The following KIF13A variants were observed in gnomAD, a reference collection of about 807,000 sequenced individuals.
The protein encoded by KIF13A is kinesin-like protein KIF13A.
A neutral mutation model predicts 212.2 loss-of-function variants in KIF13A; 79 were observed. That is an observed-to-expected ratio of 0.37 (90% CI 0.31 to 0.45). The LOEUF is 0.45. Among genes scored for constraint, KIF13A ranks in the 20% least tolerant of loss-of-function variants. The probability of loss-of-function intolerance (pLI) is 1.00; values close to 1 mark genes in which losing one functional copy is unlikely to be tolerated. For synonymous variants in KIF13A, 789 were observed against 808.6 expected, an observed-to-expected ratio of 0.98 and a Z score of 0.41; for missense variants, 1,901 against 2,209.0, an observed-to-expected ratio of 0.86 and a Z score of 2.79.
intron 35 of KIF13A, among the ~76,000 whole-genome samples, chr6:17,774,366 C>T (rs1323355687): frequency 6.6e-6 from 1 of 152,138 alleles, no homozygotes; most frequent in African/African-American, 2.4e-5. Flanking sequence ...GGATGTAACA[C>T]CTTCTCCAAT....
rs554453129 is a variant in KIF13A at position 17,837,761 on chromosome 6, G to A, written c.831-178C>T. On this transcript the variant is annotated intron_variant, in intron 9 of 38. Coordinates refer to ENST00000259711, the MANE Select transcript of KIF13A (RefSeq NM_022113.6). The surrounding 1 kb of genome is among the most constrained non-coding windows in gnomAD (Gnocchi z 5.4). The stretch of plus-strand genomic sequence containing the variant: ...GAGGCCAGGGGTTTGAGACCACCCT[G>A]GCCAACATGGTGAAACTCTGTCTCT... 1.3e-5 allele frequency among the ~76,000 whole-genome samples: 2 copies of A among 151,978 alleles called. No homozygotes were observed. Among genetic ancestry groups the A allele is most frequent in the South Asian group, 2.1e-4 (1 of 4,806 alleles).
downstream of KIF13A, chr6:17,759,712 A>G (rs1581828437): frequency 6.6e-6 from 1 of 152,228 alleles, no homozygotes; most frequent in South Asian, 2.1e-4. Context: ...CAAACATGGT[A>G]AAGGGTGAAC....
intron 16 of KIF13A, among the ~76,000 whole-genome samples, chr6:17,824,772 A>AAC (rs1764810773): frequency 6.8e-6 from 1 of 147,788 alleles, no homozygotes; most frequent in Non-Finnish European, 1.5e-5. Context: ...AAAAAAAAAA[A>AAC]AAAAAAAACA....
rs921985943 is a variant in KIF13A, at chr6:17,898,742, AC to A, written c.147-563del. Among the ~76,000 whole-genome samples, 1 of 152,142 alleles carries A rather than the reference AC, an allele frequency of 6.6e-6. No individual in the cohort carries two copies. The highest frequency in any genetic ancestry group is 2.4e-5 in the African/African-American group (1 of 41,420). On this transcript the variant is annotated intron_variant, in intron 2 of 38. Coordinates refer to ENST00000259711, the MANE Select transcript of KIF13A (RefSeq NM_022113.6). This position sits in a 1 kb window ranked among gnomAD's most constrained non-coding sequence, Gnocchi z 5.2. ...TTCCATTTTTTCCCCACCATCAGCC[AC>A]ACACGCACTTGTTAAAACGTTTGTT...
intron 16 of KIF13A, among the ~76,000 whole-genome samples, chr6:17,820,830 G>GA (rs1485630380): frequency 6.6e-6 from 1 of 152,070 alleles, no homozygotes; most frequent in Non-Finnish European, 1.5e-5. Flanking sequence ...GAATGGAAAA[G>GA]AAAAAATGGC....
chr6:17,825,189 A>T lies in KIF13A; in HGVS notation c.1786+579T>A, dbSNP rs1368357441. On this transcript the variant is annotated intron_variant, in intron 16 of 38. Transcript: ENST00000259711. This position sits in a 1 kb window ranked among gnomAD's most constrained non-coding sequence, Gnocchi z 4.5. ...AGGTGTGTATAGGCACAGAATAAGAAAGAAAAGGTAAAGGAACACGGACTT... is the reference window on the plus strand; with the variant it reads ...AGGTGTGTATAGGCACAGAATAAGATAGAAAAGGTAAAGGAACACGGACTT... Among the ~76,000 whole-genome samples, 1 of 152,226 alleles carries T rather than the reference A, an allele frequency of 6.6e-6. No individual in the cohort carries two copies. Among genetic ancestry groups the T allele is most frequent in the Non-Finnish European group, 1.5e-5 (1 of 68,036 alleles).
chr6:17,871,285 T>C lies in KIF13A; in HGVS notation c.220+2092A>G, dbSNP rs1422554429. On this transcript the variant is annotated intron_variant, in intron 4 of 38. Transcript: ENST00000259711. This position sits in a 1 kb window ranked among gnomAD's most constrained non-coding sequence, Gnocchi z 4.4. ...CCTCTATGTTCCATCTGCTCTCTGG[T>C]GCCTTCCCAGACAATTGGTGCCTTT... is the stretch of plus-strand genomic sequence containing the variant. Among the ~76,000 whole-genome samples, 1 of 152,202 alleles carries C rather than the reference T, an allele frequency of 6.6e-6. No individual in the cohort carries two copies. The highest frequency in any genetic ancestry group is 1.5e-5 in the Non-Finnish European group (1 of 68,036).
At chr6:17,807,524 T>C (rs6934886) in intron 18 of KIF13A, among the ~76,000 whole-genome samples, 61,178 of 150,160 alleles carry the variant, frequency 0.41, 13,148 homozygotes, top group East Asian at 0.6. Context: ...CGAACCCTGT[T>C]TTCTGTTATT....
chr6:17,850,040 T>C lies in KIF13A; in HGVS notation c.717+283A>G, dbSNP rs1767477666. On this transcript the variant is annotated intron_variant, in intron 8 of 38. Transcript: ENST00000259711. The surrounding 1 kb of genome is among the most constrained non-coding windows in gnomAD (Gnocchi z 6.2). ...CTGGGTGTTGCTATATTGTACAAGATGGTCATGAACTTCTGCCCTCAAGCA... is the reference window on the plus strand; with the variant it reads ...CTGGGTGTTGCTATATTGTACAAGACGGTCATGAACTTCTGCCCTCAAGCA... Among the ~76,000 whole-genome samples, 1 of 152,194 alleles carries C rather than the reference T, an allele frequency of 6.6e-6. No homozygotes were observed. The highest frequency in any genetic ancestry group is 2.4e-5 in the African/African-American group (1 of 41,456).
At chr6:17,821,828 T>A in intron 16 of KIF13A, 1 of 1,535,050 alleles carries the variant, frequency 6.5e-7, no homozygotes, top group Non-Finnish European at 8.7e-7. Flanking sequence ...TGAAACCACA[T>A]GAGAGGAAAG....
chr6:17,987,373 C>G lies in KIF13A; in HGVS notation c.55+36G>C, dbSNP rs1435949977. ...TTCTAAAGTTGCCCCCGCCCTCAGC[C>G]CGAGCAGAAATAAAAAAGAGCGGAA... On this transcript the variant is annotated intron_variant, in intron 1 of 38. Transcript: ENST00000259711. The surrounding 1 kb of genome is among the most constrained non-coding windows in gnomAD (Gnocchi z 7.7). The G allele has an allele frequency of 7.5e-6, 10 of 1,327,390 alleles. No homozygotes were observed. The highest frequency in any genetic ancestry group is 9.9e-6 in the Non-Finnish European group (10 of 1,007,572). The allele number at this position is 1,327,390 out of a possible 1,614,324, so 82.2% of individuals were successfully genotyped here. A position where few individuals can be genotyped will look rare whatever the true frequency, so the allele number is the denominator to read the frequency against.
Position 17,843,287 on chromosome 6 carries a change from C to T in KIF13A, c.831-5704G>A, listed in dbSNP as rs1265089006. ...ATTCAATGATGGTTTTGGGATACAT[C>T]GAGTGCTACTTGCTAACAGAACACT... On this transcript the variant is annotated intron_variant, in intron 9 of 38. Coordinates refer to ENST00000259711, the MANE Select transcript of KIF13A (RefSeq NM_022113.6). The surrounding 1 kb of genome is among the most constrained non-coding windows in gnomAD (Gnocchi z 5.3). Among the ~76,000 whole-genome samples the T allele has an allele frequency of 1.3e-5, 2 of 152,274 alleles. No individual in the cohort carries two copies. Among genetic ancestry groups the T allele is most frequent in the South Asian group, 2.1e-4 (1 of 4,822 alleles).
intron 2 of KIF13A, among the ~76,000 whole-genome samples, chr6:17,939,018 T>C (rs1420781602): frequency 6.6e-6 from 1 of 152,224 alleles, no homozygotes. Flanking sequence ...GCAATAGTTA[T>C]GTAAGCAAAT....
In KIF13A at chr6:17,772,980, C is replaced by T. The variant is rs188670808; in HGVS notation, c.4324+498G>A. Among the ~76,000 whole-genome samples, 31 of 152,144 alleles carry T rather than the reference C, an allele frequency of 2.0e-4. No individual in the cohort carries two copies. The highest frequency in any genetic ancestry group is 6.7e-4 in the African/African-American group (28 of 41,506). ...AATATAAGGTATAAGGTAACAGAAC[C>T]GATATATATGGCCAAAGAATACTGT... On this transcript the variant is annotated intron_variant, in intron 36 of 38. Coordinates refer to ENST00000259711, the MANE Select transcript of KIF13A (RefSeq NM_022113.6). This position sits in a 1 kb window ranked among gnomAD's most constrained non-coding sequence, Gnocchi z 4.8.
rs575230126 is a variant in KIF13A at position 17,775,074 on chromosome 6, G to A, written c.4171-12C>T. 5.0e-6 allele frequency: 8 copies of A among 1,607,114 alleles called. No homozygotes were observed. The African/African-American group carries it at 6.7e-5, about 13-fold the overall frequency. On this transcript the variant is annotated splice_polypyrimidine_tract_variant and intron_variant, in intron 34 of 38. Coordinates refer to ENST00000259711, the MANE Select transcript of KIF13A (RefSeq NM_022113.6). ...CGGCTGGAAGAGACCTATAAGAGAA[G>A]AATGGTTTTAGCAATGTGGTTTATA...
In KIF13A at chr6:17,766,219, GATTTATTT is replaced by G. The variant is rs57491415; in HGVS notation, c.4582-1281_4582-1274del. ...ATTAATTTACTTATTTTATTTTTAA[GATTTATTT>G]ATTTATTTATTTATTTATTTATTTA... On this transcript the variant is annotated intron_variant, in intron 38 of 38. Transcript: ENST00000259711. Among the ~76,000 whole-genome samples the G allele has an allele frequency of 7.3e-4, 105 of 144,714 alleles. No homozygotes were observed. The East Asian group carries it at 0.01, about 14-fold the overall frequency. The allele number at this position is 144,714 out of a possible 152,430, so 94.9% of individuals were successfully genotyped here.
chr6:17,775,951 G>A (rs1299058750), intron 34 of KIF13A, among the ~76,000 whole-genome samples: 4 of 151,666 alleles, frequency 2.6e-5, no homozygotes. Context: ...GCGCAATCTC[G>A]GCGCACCGCA....
At chr6:17,803,767 G>C (rs1006889144) in intron 20 of KIF13A, among the ~76,000 whole-genome samples, 1 of 152,174 alleles carries the variant, frequency 6.6e-6, no homozygotes, top group African/African-American at 2.4e-5. Flanking sequence ...GGGGCACAGA[G>C]CTGAATATGG....
At position 17,837,454 on chromosome 6, in the gene KIF13A, A is replaced by C. The variant is rs755228533; in HGVS notation, c.942+18T>G. 41 of 1,549,174 alleles carry C rather than the reference A, an allele frequency of 2.6e-5. No homozygotes were observed. The highest frequency in any genetic ancestry group is 3.5e-5 in the Non-Finnish European group (40 of 1,130,702). On this transcript the variant is annotated intron_variant, in intron 10 of 38. Coordinates refer to ENST00000259711, the MANE Select transcript of KIF13A (RefSeq NM_022113.6). The surrounding 1 kb of genome is among the most constrained non-coding windows in gnomAD (Gnocchi z 5.4). ...AGCCAATTTTTAGTTGGAAAAGAAC[A>C]CTAGAGCAATGGATTACCTTAAGCA...
Sources: gnomAD v4.1 joint callset for allele counts (sites outside exome capture counted in the v4.1 genomes callset) on GRCh38, gnomAD v4.1.1 for gene constraint, Gnocchi (gnomAD v3.1) non-coding constraint, MANE v1.5 for transcripts, NCBI Gene and HGNC (gene_info 2026-07-23, HGNC 2026-07-21) for gene names.